The following ACOXL variants were observed in gnomAD, a reference collection of about 807,000 sequenced individuals.
ACOXL encodes acyl-CoA oxidase like.
Under a neutral mutation model 71.9 loss-of-function variants are expected in ACOXL, and 70 were observed. The observed-to-expected ratio is 0.97, with a 90% CI of 0.80 to 1.19. The LOEUF (loss-of-function observed/expected upper bound fraction) is 1.19, where lower values mean the gene tolerates loss of function less well. ACOXL is among the 50% of genes most tolerant of loss of function. The pLI, the probability that ACOXL is intolerant of heterozygous loss-of-function variation, is 0.00. For missense variants in ACOXL, 703 were observed against 736.3 expected (o/e 0.95, Z 0.52); for synonymous variants, 253 against 281.6 (o/e 0.90, Z 1.02).
At chr2:110,769,266 A>AAAAT (rs1200721212) in intron 2 of ACOXL, among the ~76,000 whole-genome samples, 2 of 146,168 alleles carry the variant, frequency 1.4e-5, no homozygotes, top group Non-Finnish European at 3.0e-5. Context: ...AAGAAAGAAA[A>AAAAT]AAATACATGA....
chr2:111,105,857 G>A (rs2069510214), intron 17 of ACOXL, among the ~76,000 whole-genome samples: 1 of 151,954 alleles, frequency 6.6e-6, no homozygotes, highest in African/African-American at 2.4e-5. Flanking sequence ...CACATTTCTG[G>A]CTTTCATAGT....
intron 12 of ACOXL, among the ~76,000 whole-genome samples, chr2:110,956,567 A>T (rs1206891598): frequency 2.0e-5 from 3 of 152,126 alleles, no homozygotes; most frequent in South Asian, 4.2e-4. Flanking sequence ...ATCCCCTCAC[A>T]TACGGTTTCT....
intron 9 of ACOXL, among the ~76,000 whole-genome samples, chr2:110,822,221 A>G (rs1176709568): frequency 6.6e-6 from 1 of 152,174 alleles, no homozygotes; most frequent in Non-Finnish European, 1.5e-5. Context: ...CAACCTGTGT[A>G]TATAACATAT....
chr2:110,743,076 A>G (rs1335663660), intron 1 of ACOXL, among the ~76,000 whole-genome samples: 2 of 152,140 alleles, frequency 1.3e-5, no homozygotes, highest in Non-Finnish European at 2.9e-5. Context: ...CCCTTCACTT[A>G]TTTCCCTGGC....
At chr2:110,912,670 A>G (rs1191539844) in intron 11 of ACOXL, among the ~76,000 whole-genome samples, 1 of 152,132 alleles carries the variant, frequency 6.6e-6, no homozygotes, top group Non-Finnish European at 1.5e-5. Context: ...AACAGGAGCA[A>G]ATCTTTGCAA....
At chr2:110,963,496 A>G (rs906757210) in intron 12 of ACOXL, 1 of 1,302,064 alleles carries the variant, frequency 7.7e-7, no homozygotes, top group African/African-American at 1.5e-5. Context: ...CCTCTTTTCA[A>G]TTTTCTGTAT....
rs201558569 is a variant in ACOXL, at chr2:111,011,256, CTA to C, written c.1281+15255_1281+15256del. 4.2e-3 allele frequency among the ~76,000 whole-genome samples: 632 copies of C among 152,072 alleles called. 5 individuals carry two copies. Among genetic ancestry groups the C allele is most frequent in the African/African-American group, 0.014 (590 of 41,480 alleles). On this transcript the variant is annotated intron_variant, in intron 14 of 17. Transcript: ENST00000439055. ...CAAAGCAGACTGTTATAGGTAAAGACTATAGATTGTAATATAGGAGGTAGTAG... is the reference window on the plus strand; with the variant it reads ...CAAAGCAGACTGTTATAGGTAAAGACTAGATTGTAATATAGGAGGTAGTAG...
In ACOXL at chr2:110,890,122, C is replaced by T. The variant is rs372309506; in HGVS notation, c.789-18667C>T. On this transcript the variant is annotated intron_variant, in intron 10 of 17. Coordinates refer to ENST00000439055, the MANE Select transcript of ACOXL (RefSeq NM_001142807.4). ...TACCTTCTCTGGAGAAAGGTCTGTT[C>T]AGATTCTTTATCCATGTTTAAAATT... Among the ~76,000 whole-genome samples, 5 of 152,228 alleles carry T rather than the reference C, an allele frequency of 3.3e-5. No individual in the cohort carries two copies. In the East Asian group the frequency reaches 7.7e-4, roughly 23 times the overall value.
At chr2:110,781,668 TAAAA>T (rs1162481258) in intron 2 of ACOXL, among the ~76,000 whole-genome samples, 2 of 149,982 alleles carry the variant, frequency 1.3e-5, no homozygotes, top group African/African-American at 2.5e-5. Flanking sequence ...TAAATAAATA[TAAAA>T]AAAGAAAAAA....
At chr2:110,948,227 C>T (rs1056071139) in intron 12 of ACOXL, among the ~76,000 whole-genome samples, 4 of 152,224 alleles carry the variant, frequency 2.6e-5, no homozygotes, top group African/African-American at 9.6e-5. Context: ...CCTCCTTTCA[C>T]GTTAGACGCA....
intron 10 of ACOXL, among the ~76,000 whole-genome samples, chr2:110,900,751 AC>A (rs1312583794): frequency 2.0e-5 from 3 of 152,172 alleles, no homozygotes; most frequent in African/African-American, 7.2e-5. Flanking sequence ...GTAGGTTTGA[AC>A]CATAGCGTGA....
chr2:110,955,218 G>T (rs765553316), intron 12 of ACOXL, among the ~76,000 whole-genome samples: 8 of 152,066 alleles, frequency 5.3e-5, no homozygotes, highest in African/African-American at 1.9e-4. Context: ...CCTTCTAGGC[G>T]TATTAGGCTG....
At position 110,783,430 on chromosome 2, in the gene ACOXL, A is replaced by G. The variant is rs189665936; in HGVS notation, c.76-1302A>G. 3.9e-5 allele frequency among the ~76,000 whole-genome samples: 6 copies of G among 152,354 alleles called. No individual in the cohort carries two copies. In the East Asian group the frequency reaches 1.2e-3, roughly 29 times the overall value. ...TTGGGTTGGAGCCATGGTAAGAGTCATAAATCTTGACAGCCTGCTGTTTGT... is the reference window on the plus strand; with the variant it reads ...TTGGGTTGGAGCCATGGTAAGAGTCGTAAATCTTGACAGCCTGCTGTTTGT... On this transcript the variant is annotated intron_variant, in intron 2 of 17. Transcript: ENST00000439055.
At chr2:111,080,641 A>G (rs978667982) in intron 16 of ACOXL, among the ~76,000 whole-genome samples, 1 of 152,204 alleles carries the variant, frequency 6.6e-6, no homozygotes, top group African/African-American at 2.4e-5. Context: ...GAATAGTAGA[A>G]AAAGAGGGAC....
chr2:111,069,958 C>T (rs2067260632), intron 16 of ACOXL, among the ~76,000 whole-genome samples: 1 of 152,016 alleles, frequency 6.6e-6, no homozygotes, highest in Non-Finnish European at 1.5e-5. Context: ...AGCATGGTAA[C>T]CCACAGGTGC....
At chr2:110,917,663 T>A (rs915406358) in intron 11 of ACOXL, among the ~76,000 whole-genome samples, 1 of 152,206 alleles carries the variant, frequency 6.6e-6, no homozygotes, top group African/African-American at 2.4e-5. Context: ...CCCCATAGTC[T>A]CAGCCCAAAA....
intron 11 of ACOXL, among the ~76,000 whole-genome samples, chr2:110,909,333 G>A (rs2059570816): frequency 6.6e-6 from 1 of 152,136 alleles, no homozygotes; most frequent in Non-Finnish European, 1.5e-5. Flanking sequence ...GGCAGGGAGT[G>A]AGGAGCTTTG....
chr2:111,060,867 A>C (rs1053049590), intron 16 of ACOXL, among the ~76,000 whole-genome samples: 1 of 152,192 alleles, frequency 6.6e-6, no homozygotes, highest in African/African-American at 2.4e-5. Context: ...GAAAAATATA[A>C]CAACTGAAAT....
chr2:110,941,176 T>C (rs533126012), intron 12 of ACOXL, among the ~76,000 whole-genome samples: 1 of 152,290 alleles, frequency 6.6e-6, no homozygotes, highest in Admixed American at 6.5e-5. Flanking sequence ...TGCTAAATTC[T>C]CTTTATGTGC....
Sources: gnomAD v4.1 joint callset for allele counts (sites outside exome capture counted in the v4.1 genomes callset) on GRCh38, gnomAD v4.1.1 for gene constraint, MANE v1.5 for transcripts, NCBI Gene and HGNC (gene_info 2026-07-23, HGNC 2026-07-21) for gene names.